Variants in SSPN observed in about 807,000 individuals in gnomAD.
The protein encoded by SSPN is K-ras oncogene-associated protein.
In SSPN, 15 loss-of-function variants were observed where a neutral mutation model predicts 19.1. The ratio of observed to expected loss-of-function variants is 0.78; its 90% CI spans 0.52 to 1.21. The LOEUF is 1.21. SSPN is among the 50% of genes most tolerant of loss of function. The pLI is 0.00. For synonymous variants in SSPN, 147 were observed against 140.3 expected (o/e 1.05, Z -0.34); for missense variants, 291 against 314.0 (o/e 0.93, Z 0.55).
Position 26,232,151 on chromosome 12 carries a change from A to C in SSPN, c.*1075A>C. 1.0e-6 allele frequency: 1 copy of C among 985,466 alleles called. No homozygotes were observed. Among genetic ancestry groups the C allele is most frequent in the Non-Finnish European group, 1.2e-6 (1 of 829,916 alleles). 61.0% of individuals were successfully genotyped at this position (985,466 alleles called of 1,614,324 possible). ...CTTGGCAACCAATCTATGTTTGAGGAAGATTGGGTAATGCTGATGTGTTCC... is the reference window on the plus strand; with the variant it reads ...CTTGGCAACCAATCTATGTTTGAGGCAGATTGGGTAATGCTGATGTGTTCC... On this transcript the variant is annotated 3_prime_UTR_variant, in exon 3 of 3. Coordinates refer to ENST00000242729, the MANE Select transcript of SSPN (RefSeq NM_005086.5).
At chr12:26,221,929 T>C (rs1023477501) in intron 1 of SSPN, among the ~76,000 whole-genome samples, 1 of 152,234 alleles carries the variant, frequency 6.6e-6, no homozygotes, top group African/African-American at 2.4e-5. Flanking sequence ...TGAGAATAAA[T>C]AGTAAACCCC....
At chr12:26,179,285 G>C (rs889034891) in intron 1 of SSPN, among the ~76,000 whole-genome samples, 1 of 152,186 alleles carries the variant, frequency 6.6e-6, no homozygotes, top group Non-Finnish European at 1.5e-5. Context: ...ACAGGAGAAG[G>C]TGAGGGCGGA....
At chr12:26,159,570 G>A (rs1944575721) in intron 1 of SSPN, among the ~76,000 whole-genome samples, 1 of 152,254 alleles carries the variant, frequency 6.6e-6, no homozygotes, top group Non-Finnish European at 1.5e-5. Context: ...GATGATGGCA[G>A]AAGCTGTTCC....
upstream of SSPN, among the ~76,000 whole-genome samples, chr12:26,193,096 T>C (rs940261346): frequency 6.6e-6 from 1 of 152,240 alleles, no homozygotes; most frequent in African/African-American, 2.4e-5. Context: ...TGAATCAAGA[T>C]ATTTTTGTAA....
chr12:26,204,583 C>T (rs1318191765), intron 1 of SSPN, among the ~76,000 whole-genome samples: 1 of 152,112 alleles, frequency 6.6e-6, no homozygotes, highest in African/African-American at 2.4e-5. Flanking sequence ...ATTGACCAAG[C>T]CTGCTGTCCT....
upstream of SSPN, among the ~76,000 whole-genome samples, chr12:26,194,543 G>A (rs1023762738): frequency 6.6e-6 from 1 of 152,190 alleles, no homozygotes; most frequent in African/African-American, 2.4e-5. Flanking sequence ...GTGCCACCAC[G>A]CCTGTCTAAT....
chr12:26,208,559 T>C (rs988372535), intron 1 of SSPN, among the ~76,000 whole-genome samples: 34 of 152,090 alleles, frequency 2.2e-4, no homozygotes, highest in African/African-American at 7.7e-4. Context: ...TGTTTTGTTA[T>C]GAAAAAAGAT....
chr12:26,140,598 G>A (rs1252883871), intron 1 of SSPN, among the ~76,000 whole-genome samples: 5 of 152,248 alleles, frequency 3.3e-5, no homozygotes, highest in East Asian at 1.9e-4. Context: ...TTTTCCCCTC[G>A]CTGTTTTCAT....
At chr12:26,208,023 G>T (rs912950865) in intron 1 of SSPN, among the ~76,000 whole-genome samples, 5 of 151,112 alleles carry the variant, frequency 3.3e-5, no homozygotes, top group South Asian at 2.1e-4. Flanking sequence ...GGTGGTGGGG[G>T]GGGGGGATAT....
chr12:26,124,625 G>C (rs1429016927), intron 1 of SSPN: 2 of 1,611,052 alleles, frequency 1.2e-6, no homozygotes, highest in Non-Finnish European at 8.5e-7. Context: ...TCGGGGAGGG[G>C]CTCTGCCCTC....
At position 26,232,757 on chromosome 12, in the gene SSPN, C is replaced by G. The variant is rs957874039; in HGVS notation, c.*1681C>G. On this transcript the variant is annotated 3_prime_UTR_variant, in exon 3 of 3. Transcript: ENST00000242729. ...AACACCCGATTAACAGATGTTAAACCTTTTAATGTTTTGATTTGCTTTAAA... is the reference window on the plus strand; with the variant it reads ...AACACCCGATTAACAGATGTTAAACGTTTTAATGTTTTGATTTGCTTTAAA... 2 of 975,902 alleles carry G rather than the reference C, an allele frequency of 2.0e-6. No individual in the cohort carries two copies. The highest frequency in any genetic ancestry group is 3.5e-5 in the African/African-American group (2 of 56,874). 60.5% of individuals were successfully genotyped at this position (975,902 alleles called of 1,614,324 possible).
At chr12:26,128,430 T>C (rs570884788) in intron 1 of SSPN, among the ~76,000 whole-genome samples, 2 of 152,356 alleles carry the variant, frequency 1.3e-5, no homozygotes, top group African/African-American at 4.8e-5. Flanking sequence ...TTAACTCTTA[T>C]AATTTTGTAC....
chr12:26,163,242 C>T (rs995252890), intron 1 of SSPN, among the ~76,000 whole-genome samples: 1 of 152,080 alleles, frequency 6.6e-6, no homozygotes, highest in Non-Finnish European at 1.5e-5. Context: ...GGGAGTAAGA[C>T]ACAATGTTTT....
At chr12:26,122,437 C>T (rs1313978961) in intron 1 of SSPN, 4 of 1,354,544 alleles carry the variant, frequency 3.0e-6, no homozygotes, top group Non-Finnish European at 3.8e-6. Flanking sequence ...ACGTAGGCGG[C>T]AGCTGCAGAA....
At chr12:26,210,321 A>G (rs1189941429) in intron 1 of SSPN, among the ~76,000 whole-genome samples, 1 of 152,106 alleles carries the variant, frequency 6.6e-6, no homozygotes, top group Non-Finnish European at 1.5e-5. Context: ...AATACACCTA[A>G]CAAGTTAATT....
intron 1 of SSPN, among the ~76,000 whole-genome samples, chr12:26,175,619 C>A (rs1053251270): frequency 6.6e-6 from 1 of 151,934 alleles, no homozygotes; most frequent in African/African-American, 2.4e-5. Flanking sequence ...TTTTAAAGAG[C>A]TATACAGAAA....
chr12:26,144,540 G>A (rs143243503), intron 1 of SSPN, among the ~76,000 whole-genome samples: 21 of 152,220 alleles, frequency 1.4e-4, no homozygotes, highest in South Asian at 1.0e-3. Context: ...TACATTCTGC[G>A]TCTCTCTTGG....
chr12:26,231,292 A>T lies in SSPN; in HGVS notation c.*216A>T. 3.0e-6 allele frequency: 2 copies of T among 662,178 alleles called. No individual in the cohort carries two copies. The highest frequency in any genetic ancestry group is 4.6e-6 in the Non-Finnish European group (2 of 436,602). The allele number at this position is 662,178 out of a possible 1,614,324, so 41.0% of individuals were successfully genotyped here. The stretch of plus-strand genomic sequence containing the variant: ...TGCAGAGAAAGCAAGATCCAAATTG[A>T]TTTTGGGATATTAAAAGTTAACAGA... On this transcript the variant is annotated 3_prime_UTR_variant, in exon 3 of 3. Transcript: ENST00000242729.
chr12:26,218,902 A>T lies in SSPN; in HGVS notation c.280-5391A>T, dbSNP rs978685411. Among the ~76,000 whole-genome samples, 11 of 152,222 alleles carry T rather than the reference A, an allele frequency of 7.2e-5. 1 individual carries two copies. Among genetic ancestry groups the T allele is most frequent in the Admixed American group, 3.3e-4 (5 of 15,282 alleles). ...GACAATCCATAGAAATTCTCTTAAGAAATATCTGGAGAAACATTTACAGTT... is the reference window on the plus strand; with the variant it reads ...GACAATCCATAGAAATTCTCTTAAGTAATATCTGGAGAAACATTTACAGTT... On this transcript the variant is annotated intron_variant, in intron 1 of 2. Coordinates refer to ENST00000242729, the MANE Select transcript of SSPN (RefSeq NM_005086.5).
Sources: gnomAD v4.1 joint callset for allele counts (sites outside exome capture counted in the v4.1 genomes callset) on GRCh38, gnomAD v4.1.1 for gene constraint, MANE v1.5 for transcripts, NCBI Gene and HGNC (gene_info 2026-07-23, HGNC 2026-07-21) for gene names.